The following OSBPL10 variants were observed in gnomAD, a reference collection of about 807,000 sequenced individuals.
OSBPL10 encodes oxysterol binding protein like 10, also known as oxysterol-binding protein-related protein 10.
Under a neutral mutation model 81.7 loss-of-function variants are expected in OSBPL10, and 49 were observed. The observed-to-expected ratio is 0.60, with a 90% CI of 0.48 to 0.76. The LOEUF is 0.76. Among genes scored for constraint, OSBPL10 ranks in the 30% least tolerant of loss-of-function variants. The pLI, the probability that OSBPL10 is intolerant of heterozygous loss-of-function variation, is 0.00. For synonymous variants in OSBPL10, 419 were observed against 383.6 expected, an observed-to-expected ratio of 1.09 and a Z score of -1.08; for missense variants, 923 against 987.8, an observed-to-expected ratio of 0.93 and a Z score of 0.88.
At chr3:31,915,024 T>A (rs1379085997) in intron 1 of OSBPL10, among the ~76,000 whole-genome samples, 1 of 152,118 alleles carries the variant, frequency 6.6e-6, no homozygotes. Context: ...CGTGCTGGAG[T>A]GCAGTGGCAC....
At chr3:32,047,646 C>A (rs567578384) in intron 1 of OSBPL10, among the ~76,000 whole-genome samples, 89 of 151,792 alleles carry the variant, frequency 5.9e-4, no homozygotes, top group Non-Finnish European at 9.1e-4. Flanking sequence ...TGCATCTTTA[C>A]TACAACCTGT....
chr3:31,922,102 G>A (rs1474138049), intron 1 of OSBPL10, among the ~76,000 whole-genome samples: 2 of 152,158 alleles, frequency 1.3e-5, no homozygotes, highest in Admixed American at 1.3e-4. Flanking sequence ...GGGCAGAAAT[G>A]ACAACTAAAT....
At chr3:31,842,455 G>A (rs116020309) in intron 3 of OSBPL10, among the ~76,000 whole-genome samples, 31 of 152,294 alleles carry the variant, frequency 2.0e-4, no homozygotes, top group African/African-American at 7.0e-4. Context: ...TTGGCTCTGT[G>A]TTAATACAGG....
At chr3:32,054,526 CT>C (rs755489489) in intron 1 of OSBPL10, among the ~76,000 whole-genome samples, 1,308 of 86,442 alleles carry the variant, frequency 0.015, 4 homozygotes, top group East Asian at 0.066. Context: ...TCAATGGTGG[CT>C]TTTTTTTTTT....
chr3:31,702,892 T>C (rs1347943038), intron 6 of OSBPL10, among the ~76,000 whole-genome samples: 1 of 152,164 alleles, frequency 6.6e-6, no homozygotes, highest in South Asian at 2.1e-4. Flanking sequence ...CCACTTCATA[T>C]CTAATATAAA....
chr3:31,876,360 G>A (rs1279128964), intron 3 of OSBPL10, 73 bp downstream of exon 3: 15 of 1,325,376 alleles, frequency 1.1e-5, no homozygotes, highest in South Asian at 4.7e-5. Context: ...CACCTTCCCC[G>A]AAGAAACAAA....
intron 1 of OSBPL10, among the ~76,000 whole-genome samples, chr3:31,927,885 T>C (rs1272324139): frequency 6.6e-6 from 1 of 152,142 alleles, no homozygotes; most frequent in African/African-American, 2.4e-5. Context: ...ATGTTAACAC[T>C]ATGGAGCTCT....
At chr3:31,796,425 T>C (rs1017129001) in intron 4 of OSBPL10, among the ~76,000 whole-genome samples, 1 of 151,902 alleles carries the variant, frequency 6.6e-6, no homozygotes, top group African/African-American at 2.4e-5. Context: ...AGGATGTACA[T>C]AGGTTATGTG....
intron 1 of OSBPL10, among the ~76,000 whole-genome samples, chr3:31,938,815 C>T (rs1020543030): frequency 3.3e-5 from 5 of 152,106 alleles, no homozygotes; most frequent in African/African-American, 1.2e-4. Flanking sequence ...CAAACCTCCT[C>T]GACTTTGCCC....
intron 3 of OSBPL10, among the ~76,000 whole-genome samples, chr3:31,859,181 G>T (rs60867881): frequency 0.027 from 4,105 of 151,720 alleles, 206 homozygotes; most frequent in African/African-American, 0.096. Context: ...TTTTGTTGTT[G>T]TTTTTACCTA....
chr3:31,965,290 A>T (rs1242419232), intron 1 of OSBPL10, among the ~76,000 whole-genome samples: 2 of 148,084 alleles, frequency 1.4e-5, no homozygotes, highest in Non-Finnish European at 3.0e-5. Context: ...GAATGGCGTG[A>T]ACCCAGGAGG....
At chr3:31,823,282 G>C (rs1700023138) in intron 4 of OSBPL10, among the ~76,000 whole-genome samples, 1 of 152,220 alleles carries the variant, frequency 6.6e-6, no homozygotes, top group Non-Finnish European at 1.5e-5. Flanking sequence ...TAGAGAACGA[G>C]TCCTTAATTC....
intron 4 of OSBPL10, among the ~76,000 whole-genome samples, chr3:31,822,668 G>C (rs963587519): frequency 3.3e-5 from 5 of 151,882 alleles, no homozygotes; most frequent in African/African-American, 9.7e-5. Context: ...CCAGCACTTC[G>C]GGAGGCCAAA....
chr3:32,072,177 G>A (rs930968617), intron 1 of OSBPL10, among the ~76,000 whole-genome samples: 1 of 152,126 alleles, frequency 6.6e-6, no homozygotes, highest in African/African-American at 2.4e-5. Flanking sequence ...GGCTGAAAGA[G>A]GTTTCCTTAC....
chr3:32,054,526 CTT>C (rs755489489), intron 1 of OSBPL10, among the ~76,000 whole-genome samples: 1,167 of 86,406 alleles, frequency 0.014, 1 homozygote, highest in African/African-American at 0.05. Context: ...TCAATGGTGG[CTT>C]TTTTTTTTTT....
At chr3:31,911,489 C>T (rs1489144266) in intron 1 of OSBPL10, among the ~76,000 whole-genome samples, 1 of 152,022 alleles carries the variant, frequency 6.6e-6, no homozygotes, top group Non-Finnish European at 1.5e-5. Flanking sequence ...GGGGTAATAC[C>T]TTCAACATTC....
At chr3:31,951,278 AAAG>A (rs1697862592) in intron 1 of OSBPL10, among the ~76,000 whole-genome samples, 1 of 152,224 alleles carries the variant, frequency 6.6e-6, no homozygotes, top group African/African-American at 2.4e-5. Flanking sequence ...GGGAAAAAAA[AAAG>A]ACTTGCAGAA....
chr3:32,010,861 G>A (rs888324447), intron 2 of OSBPL10, among the ~76,000 whole-genome samples: 1 of 152,194 alleles, frequency 6.6e-6, no homozygotes, highest in Non-Finnish European at 1.5e-5. Context: ...AGCAGTCTGA[G>A]ACCAAACTGC....
At chr3:31,844,575 T>C (rs967858361) in intron 3 of OSBPL10, among the ~76,000 whole-genome samples, 2 of 152,310 alleles carry the variant, frequency 1.3e-5, no homozygotes, top group East Asian at 1.9e-4. Flanking sequence ...ATTTCATTCA[T>C]AGGAAATAAT....
Sources: allele counts gnomAD v4.1 joint callset (sites outside exome capture counted in the v4.1 genomes callset), GRCh38; gene constraint gnomAD v4.1.1; transcripts MANE v1.5; gene names NCBI Gene and HGNC (gene_info 2026-07-23, HGNC 2026-07-21).